Variants in MED27 observed in about 807,000 individuals in gnomAD.
MED27 encodes mediator complex subunit 27.
MED27 carries 30 observed loss-of-function variants against 38.2 expected under a neutral mutation model. The ratio of observed to expected loss-of-function variants is 0.79; its 90% CI spans 0.59 to 1.07. The LOEUF (loss-of-function observed/expected upper bound fraction) is 1.07, where lower values mean the gene tolerates loss of function less well. Ranked by LOEUF, MED27 falls within the 50% of genes least tolerant of loss-of-function variation. The pLI is 0.00. For missense variants in MED27, 289 were observed against 397.5 expected, an observed-to-expected ratio of 0.73 and a Z score of 2.32; for synonymous variants, 122 against 153.5, an observed-to-expected ratio of 0.79 and a Z score of 1.52.
intron 6 of MED27, among the ~76,000 whole-genome samples, chr9:131,873,020 C>A (rs1041384347): frequency 6.6e-6 from 1 of 152,226 alleles, no homozygotes; most frequent in Non-Finnish European, 1.5e-5. Flanking sequence ...GCAGTTCCCA[C>A]GATGCAGAGA....
At chr9:132,060,822 G>A (rs1425651011) in intron 2 of MED27, among the ~76,000 whole-genome samples, 2 of 152,124 alleles carry the variant, frequency 1.3e-5, no homozygotes, top group Non-Finnish European at 2.9e-5. Context: ...GGTGGCAGGT[G>A]CCTGTAATCT....
chr9:131,896,113 C>A (rs1829828790), intron 4 of MED27, among the ~76,000 whole-genome samples: 1 of 152,194 alleles, frequency 6.6e-6, no homozygotes, highest in African/African-American at 2.4e-5. Flanking sequence ...GTTGGCCAGG[C>A]TGATCTCAAA....
chr9:131,863,869 G>A (rs975228178), intron 6 of MED27, among the ~76,000 whole-genome samples: 5 of 152,194 alleles, frequency 3.3e-5, no homozygotes, highest in African/African-American at 9.7e-5. Flanking sequence ...TATCAGCAAG[G>A]CCAAGGGCAA....
intron 4 of MED27, among the ~76,000 whole-genome samples, chr9:131,908,126 TG>T (rs1199461729): frequency 9.0e-6 from 1 of 111,548 alleles, no homozygotes; most frequent in Admixed American, 8.8e-5. Context: ...GGGAGGGAGG[TG>T]GGGGGGTCAG....
chr9:131,892,210 G>A (rs1839240597), intron 5 of MED27, among the ~76,000 whole-genome samples: 1 of 152,136 alleles, frequency 6.6e-6, no homozygotes, highest in East Asian at 1.9e-4. Context: ...GGAAGTAACT[G>A]GAGCAGCTGA....
intron 3 of MED27, among the ~76,000 whole-genome samples, chr9:131,985,128 T>C (rs1348486206): frequency 6.6e-6 from 1 of 152,208 alleles, no homozygotes; most frequent in Non-Finnish European, 1.5e-5. Flanking sequence ...TTTTATCTTC[T>C]TTTATGTCTT....
At chr9:132,015,598 A>G (rs1017511861) in intron 2 of MED27, among the ~76,000 whole-genome samples, 5 of 152,202 alleles carry the variant, frequency 3.3e-5, no homozygotes, top group African/African-American at 1.2e-4. Context: ...ATCATTACAG[A>G]AAGCTCATTT....
intron 3 of MED27, among the ~76,000 whole-genome samples, chr9:131,960,654 C>T (rs79402174): frequency 0.013 from 2,016 of 152,214 alleles, 58 homozygotes; most frequent in African/African-American, 0.045. Flanking sequence ...GGTAAAAACA[C>T]GTGTAGTACC....
chr9:131,894,996 T>G (rs532826574), intron 4 of MED27, among the ~76,000 whole-genome samples: 1 of 152,232 alleles, frequency 6.6e-6, no homozygotes, highest in East Asian at 1.9e-4. Context: ...TGCCTCCCCT[T>G]AGACCTTCCA....
chr9:131,880,643 A>G (rs181966920), intron 6 of MED27, among the ~76,000 whole-genome samples: 58 of 152,378 alleles, frequency 3.8e-4, no homozygotes, highest in African/African-American at 1.3e-3. Context: ...CGTGTTACAC[A>G]GACTGGAAGG....
intron 2 of MED27, among the ~76,000 whole-genome samples, chr9:132,031,724 G>A (rs1832967019): frequency 6.6e-6 from 1 of 151,898 alleles, no homozygotes; most frequent in South Asian, 2.1e-4. Flanking sequence ...TATAAATCTT[G>A]TAGTATTATT....
intron 2 of MED27, among the ~76,000 whole-genome samples, chr9:132,077,046 G>A (rs566705300): frequency 2.0e-5 from 3 of 152,242 alleles, no homozygotes; most frequent in South Asian, 2.1e-4. Flanking sequence ...CATAATGTGC[G>A]CAGCTAAACA....
At chr9:132,024,457 C>T (rs535588014) in intron 2 of MED27, among the ~76,000 whole-genome samples, 1 of 152,284 alleles carries the variant, frequency 6.6e-6, no homozygotes, top group African/African-American at 2.4e-5. Flanking sequence ...CCTAGAAATT[C>T]GCTTCCTCCA....
intron 3 of MED27, among the ~76,000 whole-genome samples, chr9:131,967,485 CTTTTTT>C (rs560957988): frequency 2.1e-5 from 3 of 141,360 alleles, no homozygotes; most frequent in Non-Finnish European, 3.1e-5. Context: ...TCTCATGAAT[CTTTTTT>C]TTTTTTTTTT....
intron 2 of MED27, among the ~76,000 whole-genome samples, chr9:132,074,049 C>G (rs1401974577): frequency 6.6e-6 from 1 of 152,186 alleles, no homozygotes; most frequent in Non-Finnish European, 1.5e-5. Context: ...ACATAATAAG[C>G]ACTATCAAGT....
chr9:131,910,837 G>A (rs1465648140), intron 4 of MED27, among the ~76,000 whole-genome samples: 1 of 152,148 alleles, frequency 6.6e-6, no homozygotes, highest in Non-Finnish European at 1.5e-5. Context: ...CTCCTGGACT[G>A]GTGCGGAGGA....
chr9:131,941,940 C>T (rs1830794534), intron 3 of MED27, among the ~76,000 whole-genome samples: 1 of 149,524 alleles, frequency 6.7e-6, no homozygotes, highest in Non-Finnish European at 1.5e-5. Flanking sequence ...ATTCTCCTGC[C>T]TCAGCCTCCC....
At chr9:131,928,852 A>C in intron 4 of MED27, among the ~76,000 whole-genome samples, 1 of 152,252 alleles carries the variant, frequency 6.6e-6, no homozygotes, top group Non-Finnish European at 1.5e-5. Flanking sequence ...TAGCCAGTGG[A>C]CTAGGGCGGC....
intron 2 of MED27, among the ~76,000 whole-genome samples, chr9:132,046,462 A>G (rs1833340425): frequency 6.6e-6 from 1 of 152,194 alleles, no homozygotes; most frequent in African/African-American, 2.4e-5. Flanking sequence ...ATTATTCTGG[A>G]TGCAAGTAAG....
Sources: allele counts gnomAD v4.1 joint callset (sites outside exome capture counted in the v4.1 genomes callset), GRCh38; gene constraint gnomAD v4.1.1; transcripts MANE v1.5; gene names NCBI Gene and HGNC (gene_info 2026-07-23, HGNC 2026-07-21).